The following RIN2 variants were observed in gnomAD, a reference collection of about 807,000 sequenced individuals.
RIN2 encodes Ras and Rab interactor 2, also known as RAB5 interacting protein 2.
In RIN2, 36 loss-of-function variants were observed where a neutral mutation model predicts 78.0. The observed-to-expected ratio is 0.46, with a 90% confidence interval of 0.35 to 0.61. The LOEUF is 0.61. RIN2 is among the 20% of genes least tolerant of loss of function. The pLI, the probability that RIN2 is intolerant of heterozygous loss-of-function variation, is 0.00. For synonymous variants in RIN2, 466 were observed against 466.8 expected, an observed-to-expected ratio of 1.00 and a Z score of 0.02; for missense variants, 1,087 against 1,159.7, an observed-to-expected ratio of 0.94 and a Z score of 0.91.
chr20:19,997,906 T>C (rs2043021145), intron 12 of RIN2, among the ~76,000 whole-genome samples: 1 of 152,174 alleles, frequency 6.6e-6, no homozygotes, highest in Non-Finnish European at 1.5e-5. Context: ...TGTTTCTATG[T>C]TCCCCATGAT....
chr20:19,944,690 C>T (rs1600892689), intron 4 of RIN2, among the ~76,000 whole-genome samples: 2 of 148,994 alleles, frequency 1.3e-5, no homozygotes, highest in South Asian at 4.3e-4. Flanking sequence ...AGAGAAGTGG[C>T]TTTTTTTTTT....
At chr20:19,772,031 C>T (rs995468793) in intron 1 of RIN2, among the ~76,000 whole-genome samples, 1 of 151,418 alleles carries the variant, frequency 6.6e-6, no homozygotes, top group African/African-American at 2.4e-5. Flanking sequence ...CTCCTGCTTC[C>T]GTGGATAGAA....
intron 2 of RIN2, among the ~76,000 whole-genome samples, chr20:19,882,852 A>C (rs1340853885): frequency 6.6e-6 from 1 of 152,204 alleles, no homozygotes; most frequent in East Asian, 1.9e-4. Flanking sequence ...AAAAAAACGC[A>C]CAAGTTGTGT....
At chr20:19,932,815 C>G (rs2040490891) in intron 3 of RIN2, among the ~76,000 whole-genome samples, 1 of 152,190 alleles carries the variant, frequency 6.6e-6, no homozygotes, top group Non-Finnish European at 1.5e-5. Context: ...TATTTGATGG[C>G]TGATAAACAA....
At position 19,824,468 on chromosome 20, in the gene RIN2, T is replaced by A. The variant is rs1016132701; in HGVS notation, c.-37+24721T>A. Reference sequence around the variant, plus strand: ...AGGCAAAAATTAACGCAGGCAGGTGTAGATTTATGGTGTATCTAGTGACAC... The same window carrying A: ...AGGCAAAAATTAACGCAGGCAGGTGAAGATTTATGGTGTATCTAGTGACAC... On this transcript the variant is annotated intron_variant, in intron 2 of 12. Transcript: ENST00000255006. Among the ~76,000 whole-genome samples, 23 of 152,164 alleles carry A rather than the reference T, an allele frequency of 1.5e-4. 1 individual carries two copies. Among genetic ancestry groups the A allele is most frequent in the African/African-American group, 4.1e-4 (17 of 41,438 alleles).
intron 3 of RIN2, 99 bp from the exon 4 acceptor site, chr20:19,935,000 T>A: frequency 1.5e-6 from 1 of 667,228 alleles, no homozygotes; most frequent in Non-Finnish European, 2.5e-6. Context: ...AAAAAGATGG[T>A]CATCTCTGTT....
intron 3 of RIN2, among the ~76,000 whole-genome samples, chr20:19,902,423 G>T (rs768275139): frequency 3.9e-5 from 6 of 152,160 alleles, no homozygotes; most frequent in Admixed American, 6.5e-5. Flanking sequence ...GTCCCTCACC[G>T]CTGTCCTTTG....
chr20:19,981,600 C>A (rs554085154), intron 9 of RIN2, among the ~76,000 whole-genome samples: 1 of 152,318 alleles, frequency 6.6e-6, no homozygotes, highest in East Asian at 1.9e-4. Flanking sequence ...TGAAATCAGG[C>A]TGATGGATTC....
chr20:19,782,572 A>AT, intron 1 of RIN2, among the ~76,000 whole-genome samples: 1 of 151,644 alleles, frequency 6.6e-6, no homozygotes, highest in Non-Finnish European at 1.5e-5. Context: ...AAAAAAAAAA[A>AT]GATAACTATT....
At chr20:19,790,056 G>A (rs1459130642) in intron 1 of RIN2, among the ~76,000 whole-genome samples, 2 of 152,090 alleles carry the variant, frequency 1.3e-5, no homozygotes, top group African/African-American at 2.4e-5. Flanking sequence ...TTATCAAAAT[G>A]TGGCACCCAG....
At chr20:19,888,893 TAC>T (rs978104752) in intron 2 of RIN2, among the ~76,000 whole-genome samples, 1 of 152,242 alleles carries the variant, frequency 6.6e-6, no homozygotes, top group African/African-American at 2.4e-5. Context: ...CCCAAAAAGC[TAC>T]AGTTAGAATT....
chr20:19,794,694 T>C (rs1038280316), intron 1 of RIN2, among the ~76,000 whole-genome samples: 3 of 152,188 alleles, frequency 2.0e-5, no homozygotes, highest in Non-Finnish European at 4.4e-5. Context: ...TAAATCTAGT[T>C]GTATTTCATT....
chr20:19,956,257 CA>C (rs11483774), intron 4 of RIN2, among the ~76,000 whole-genome samples: 338 of 50,738 alleles, frequency 6.7e-3, no homozygotes, highest in African/African-American at 0.021. Context: ...GACTCCATCT[CA>C]AAAAAAAAAA....
intron 2 of RIN2, among the ~76,000 whole-genome samples, chr20:19,834,947 A>G (rs201386410): frequency 1.4e-5 from 2 of 143,738 alleles, no homozygotes; most frequent in Non-Finnish European, 3.0e-5. Context: ...CTGTGAAGAA[A>G]AGAGAGAGAG....
chr20:19,801,644 T>G (rs17298654), intron 2 of RIN2, among the ~76,000 whole-genome samples: 11,504 of 152,280 alleles, frequency 0.076, 433 homozygotes, highest in South Asian at 0.11. Flanking sequence ...CTGTGATCAA[T>G]GTCTCTATCC....
intron 4 of RIN2, among the ~76,000 whole-genome samples, chr20:19,939,283 A>G (rs1252609641): frequency 6.6e-6 from 1 of 152,110 alleles, no homozygotes; most frequent in Non-Finnish European, 1.5e-5. Flanking sequence ...CCTGGCCTCA[A>G]GTGGTCCACC....
chr20:19,883,889 T>TAA (rs140532587), intron 2 of RIN2, among the ~76,000 whole-genome samples: 2 of 143,734 alleles, frequency 1.4e-5, no homozygotes, highest in African/African-American at 2.5e-5. Context: ...ACCACCTTGT[T>TAA]AAAAAAAAAA....
At chr20:19,973,908 C>G (rs367574291) in intron 8 of RIN2, among the ~76,000 whole-genome samples, 124 of 152,310 alleles carry the variant, frequency 8.1e-4, no homozygotes, top group African/African-American at 2.9e-3. Context: ...AGAGGAGACA[C>G]AGGCAGTACA....
chr20:19,874,732 G>A (rs924787847), intron 2 of RIN2, among the ~76,000 whole-genome samples: 1 of 152,202 alleles, frequency 6.6e-6, no homozygotes, highest in Admixed American at 6.5e-5. Context: ...GGAGTGTAAT[G>A]AGAGTTGAGG....
Sources: gnomAD v4.1 joint callset for allele counts (sites outside exome capture counted in the v4.1 genomes callset) on GRCh38, gnomAD v4.1.1 for gene constraint, MANE v1.5 for transcripts, NCBI Gene and HGNC (gene_info 2026-07-23, HGNC 2026-07-21) for gene names.